Variants in CCSER1 observed in about 807,000 individuals in gnomAD.
CCSER1 encodes serine-rich coiled-coil domain-containing protein 1.
Under a neutral mutation model 82.0 loss-of-function variants are expected in CCSER1, and 41 were observed. That is an observed-to-expected ratio of 0.50 (90% CI 0.39 to 0.65). The LOEUF (loss-of-function observed/expected upper bound fraction) is 0.65. Among genes scored for constraint, CCSER1 ranks in the 30% least tolerant of loss-of-function variants. CCSER1 has a pLI of 0.00. For synonymous variants in CCSER1, 414 were observed against 383.9 expected (o/e 1.08, Z -0.92); for missense variants, 1,119 against 1,064.2 (o/e 1.05, Z -0.72).
chr4:91,074,275 C>A (rs1721728944), intron 9 of CCSER1, among the ~76,000 whole-genome samples: 4 of 152,118 alleles, frequency 2.6e-5, no homozygotes, highest in Non-Finnish European at 5.9e-5. Flanking sequence ...AGGTAAAACA[C>A]TTGGAATGGT....
At chr4:90,434,970 C>T (rs757851469) in intron 4 of CCSER1, among the ~76,000 whole-genome samples, 4 of 152,114 alleles carry the variant, frequency 2.6e-5, no homozygotes, top group East Asian at 1.9e-4. Flanking sequence ...TAAATGGTAC[C>T]TAGGGAGCCT....
At chr4:90,757,256 T>G (rs1749684702) in intron 7 of CCSER1, among the ~76,000 whole-genome samples, 1 of 151,844 alleles carries the variant, frequency 6.6e-6, no homozygotes, top group African/African-American at 2.4e-5. Context: ...AGAAAAGGAG[T>G]TTGGTTGTAT....
At chr4:90,671,534 A>G (rs1035459864) in intron 6 of CCSER1, among the ~76,000 whole-genome samples, 4 of 151,966 alleles carry the variant, frequency 2.6e-5, no homozygotes, top group African/African-American at 7.2e-5. Context: ...AGTCACATCT[A>G]ATTCTGGTTC....
At chr4:91,524,201 T>A (rs1760656184) in intron 10 of CCSER1, among the ~76,000 whole-genome samples, 1 of 152,212 alleles carries the variant, frequency 6.6e-6, no homozygotes, top group African/African-American at 2.4e-5. Context: ...GGATATCACT[T>A]TAGAAATTTT....
At position 90,339,728 on chromosome 4, in the gene CCSER1, A is replaced by G. The variant is rs1053820108; in HGVS notation, c.1509+26681A>G. ...CCTTATCATTATGTCATCCCTGACC[A>G]TTCTCTATAAAACAGCAACTGCTGT... On this transcript the variant is annotated intron_variant, in intron 3 of 10. Transcript: ENST00000509176. Among the ~76,000 whole-genome samples, 4 of 152,050 alleles carry G rather than the reference A, an allele frequency of 2.6e-5. No homozygotes were observed. The East Asian group carries it at 7.7e-4, about 29-fold the overall frequency.
chr4:90,956,647 T>A lies in CCSER1; in HGVS notation c.2172+33200T>A, dbSNP rs182568009. ...AAATTAGGTTTCTTATGGAGAGAAA[T>A]ATGTAAATAAGCAATTAACAGACAC... On this transcript the variant is annotated intron_variant, in intron 9 of 10. Transcript: ENST00000509176. Among the ~76,000 whole-genome samples the A allele has an allele frequency of 5.9e-5, 9 of 152,214 alleles. No individual in the cohort carries two copies. In the East Asian group the frequency reaches 1.7e-3, roughly 29 times the overall value.
chr4:90,479,308 G>A (rs926306245), intron 5 of CCSER1, among the ~76,000 whole-genome samples: 8 of 151,990 alleles, frequency 5.3e-5, no homozygotes, highest in Admixed American at 3.3e-4. Context: ...AATGAGCCAG[G>A]AGGAAAACTT....
chr4:90,699,080 G>A (rs960491447), intron 6 of CCSER1, among the ~76,000 whole-genome samples: 1 of 152,000 alleles, frequency 6.6e-6, no homozygotes, highest in African/African-American at 2.4e-5. Flanking sequence ...CAGCCGGGGC[G>A]AAAGACTGAG....
At position 90,897,082 on chromosome 4, in the gene CCSER1, G is replaced by A. The variant is rs1337778879; in HGVS notation, c.2095-26288G>A. On this transcript the variant is annotated intron_variant, in intron 8 of 10. Coordinates refer to ENST00000509176, the MANE Select transcript of CCSER1 (RefSeq NM_001145065.2). Reference sequence around the variant, plus strand: ...AATTGAATTTTGTTTTATATTTGGGGACCAATTACACTTTTTTTTACTCTA... The same window carrying A: ...AATTGAATTTTGTTTTATATTTGGGAACCAATTACACTTTTTTTTACTCTA... Among the ~76,000 whole-genome samples the A allele has an allele frequency of 5.9e-5, 9 of 151,700 alleles. No homozygotes were observed. In the East Asian group the frequency reaches 1.7e-3, roughly 29 times the overall value.
chr4:91,230,777 G>A (rs552340644), intron 10 of CCSER1, among the ~76,000 whole-genome samples: 2 of 151,710 alleles, frequency 1.3e-5, no homozygotes, highest in South Asian at 2.1e-4. Flanking sequence ...AGAAGACAAT[G>A]AATCACAAGT....
chr4:90,235,948 T>C (rs903777240), intron 1 of CCSER1, among the ~76,000 whole-genome samples: 1 of 152,064 alleles, frequency 6.6e-6, no homozygotes, highest in Non-Finnish European at 1.5e-5. Context: ...GCAAAATAAG[T>C]AATTTTTTTT....
At chr4:90,892,374 A>G (rs953612537) in intron 8 of CCSER1, among the ~76,000 whole-genome samples, 7 of 152,046 alleles carry the variant, frequency 4.6e-5, no homozygotes, top group African/African-American at 7.2e-5. Context: ...AGTCACATAA[A>G]GCTGTAAACC....
chr4:91,387,768 C>T (rs1019226554), intron 10 of CCSER1, among the ~76,000 whole-genome samples: 3 of 151,968 alleles, frequency 2.0e-5, no homozygotes, highest in African/African-American at 7.2e-5. Flanking sequence ...TAAGAACATA[C>T]TGTAAATGTT....
rs78055948 is a variant in CCSER1, at chr4:90,505,087, G to T, written c.1724+36733G>T. On this transcript the variant is annotated intron_variant, in intron 5 of 10. Coordinates refer to ENST00000509176, the MANE Select transcript of CCSER1 (RefSeq NM_001145065.2). The stretch of plus-strand genomic sequence containing the variant: ...ACCAAGTGTCCTGCCTTAAACCATT[G>T]CCCAAATAGGTAAAGCAAAGACTAC... Among the ~76,000 whole-genome samples, 1,190 of 152,258 alleles carry T rather than the reference G, an allele frequency of 7.8e-3. 30 individuals are homozygous for T. Among genetic ancestry groups the T allele is most frequent in the East Asian group, 0.045 (232 of 5,182 alleles).
chr4:90,872,020 C>T (rs1039099925), intron 8 of CCSER1, among the ~76,000 whole-genome samples: 3 of 151,356 alleles, frequency 2.0e-5, no homozygotes, highest in Non-Finnish European at 4.4e-5. Flanking sequence ...CATGGAATAT[C>T]TTTTCTCATC....
At chr4:90,407,188 C>T (rs1198255156) in intron 4 of CCSER1, among the ~76,000 whole-genome samples, 1 of 152,128 alleles carries the variant, frequency 6.6e-6, no homozygotes, top group Non-Finnish European at 1.5e-5. Flanking sequence ...GGCATTACAA[C>T]TGATACCACA....
At chr4:91,181,978 C>T (rs1198486489) in intron 10 of CCSER1, among the ~76,000 whole-genome samples, 2 of 152,182 alleles carry the variant, frequency 1.3e-5, no homozygotes, top group African/African-American at 4.8e-5. Context: ...TGAAGGAATA[C>T]TCATGGCAGT....
At chr4:90,969,876 T>C (rs1186767948) in intron 9 of CCSER1, among the ~76,000 whole-genome samples, 3 of 151,388 alleles carry the variant, frequency 2.0e-5, no homozygotes, top group Non-Finnish European at 4.4e-5. Context: ...AAATAATATG[T>C]TGAAAGTTAT....
At chr4:91,484,481 C>A (rs145255767) in intron 10 of CCSER1, among the ~76,000 whole-genome samples, 3 of 152,164 alleles carry the variant, frequency 2.0e-5, no homozygotes, top group Admixed American at 1.3e-4. Flanking sequence ...ATTCTGGCTT[C>A]TATAGCATAT....
Sources: allele counts gnomAD v4.1 joint callset (sites outside exome capture counted in the v4.1 genomes callset), GRCh38; gene constraint gnomAD v4.1.1; transcripts MANE v1.5; gene names NCBI Gene and HGNC (gene_info 2026-07-23, HGNC 2026-07-21).